The following NRIP2 variants were observed in gnomAD, a reference collection of about 807,000 sequenced individuals.
NRIP2 encodes nuclear receptor interacting protein 2.
NRIP2 carries 27 observed loss-of-function variants against 34.1 expected under a neutral mutation model. That is an observed-to-expected ratio of 0.79 (90% confidence interval 0.58 to 1.09). The LOEUF (loss-of-function observed/expected upper bound fraction) is 1.09. Among genes scored for constraint, NRIP2 ranks in the 50% least tolerant of loss-of-function variants. The pLI is 0.00. For missense variants in NRIP2, 385 were observed against 352.6 expected, an observed-to-expected ratio of 1.09 and a Z score of -0.74; for synonymous variants, 145 against 146.9, an observed-to-expected ratio of 0.99 and a Z score of 0.09.
intron 1 of NRIP2, among the ~76,000 whole-genome samples, chr12:2,834,409 G>A (rs2098018006): frequency 6.6e-6 from 1 of 152,138 alleles, no homozygotes; most frequent in Non-Finnish European, 1.5e-5. Context: ...GGGGCCATTA[G>A]AGGAAAAAGG....
chr12:2,827,618 G>T lies in NRIP2; in HGVS notation c.753+7C>A. On this transcript the variant is annotated splice_region_variant and intron_variant, in intron 5 of 5. Transcript: ENST00000337508. The surrounding 1 kb of genome is among the most constrained non-coding windows in gnomAD (Gnocchi z 4.0). ...GCTTTGGGTCAGGCCCTGAGTGGGT[G>T]CCTTACCTTGAGAGAAAGCAGAGTC... 1 of 1,614,176 alleles carries T rather than the reference G, an allele frequency of 6.2e-7. No homozygotes were observed. Among genetic ancestry groups the T allele is most frequent in the South Asian group, 1.1e-5 (1 of 91,078 alleles).
Position 2,827,590 on chromosome 12 carries a change from A to G in NRIP2, c.753+35T>C, listed in dbSNP as rs766427725. The G allele has an allele frequency of 2.0e-5, 33 of 1,613,710 alleles. No homozygotes were observed. The highest frequency in any genetic ancestry group is 9.9e-5 in the South Asian group (9 of 91,044). On this transcript the variant is annotated intron_variant, in intron 5 of 5. Transcript: ENST00000337508. This position sits in a 1 kb window ranked among gnomAD's most constrained non-coding sequence, Gnocchi z 4.0. ...CCTGTGCCTTCTACTACTTTTTCCC[A>G]GTGCTTTGGGTCAGGCCCTGAGTGG... is the stretch of plus-strand genomic sequence containing the variant.
chr12:2,827,787 C>T lies in NRIP2; in HGVS notation c.701-110G>A, dbSNP rs2097976153. 1.2e-6 allele frequency: 2 copies of T among 1,605,158 alleles called. No homozygotes were observed. The highest frequency in any genetic ancestry group is 1.3e-5 in the African/African-American group (1 of 74,854). ...CCCACCCCATCCCCAGATCCGAGGA[C>T]ACTGGCACAGAGATGGGGGATAGTC... On this transcript the variant is annotated intron_variant, in intron 4 of 5. Transcript: ENST00000337508. The surrounding 1 kb of genome is among the most constrained non-coding windows in gnomAD (Gnocchi z 4.0).
intron 2 of NRIP2, among the ~76,000 whole-genome samples, chr12:2,829,981 G>A (rs954483950): frequency 2.0e-5 from 3 of 151,602 alleles, no homozygotes; most frequent in African/African-American, 4.9e-5. Flanking sequence ...GGAGGCTGAG[G>A]CAGGAGAATC....
intron 1 of NRIP2, among the ~76,000 whole-genome samples, chr12:2,834,091 G>A (rs1051137144): frequency 7.9e-5 from 12 of 152,226 alleles, no homozygotes; most frequent in African/African-American, 2.9e-4. Flanking sequence ...GAGCCTGGAA[G>A]GTCCATTCCA....
Position 2,834,990 on chromosome 12 carries a change from G to A in NRIP2, c.-7C>T. ...GAGGAAAAATAAATAACATGCAGGA[G>A]CAGCCGCGTCAGTCTCCAATTTCCC... On this transcript the variant is annotated 5_prime_UTR_variant, in exon 1 of 6. Coordinates refer to ENST00000337508, the MANE Select transcript of NRIP2 (RefSeq NM_031474.3). 3 of 1,552,836 alleles carry A rather than the reference G, an allele frequency of 1.9e-6. No homozygotes were observed. The highest frequency in any genetic ancestry group is 2.6e-6 in the Non-Finnish European group (3 of 1,151,290).
intron 2 of NRIP2, among the ~76,000 whole-genome samples, chr12:2,828,815 C>G (rs2153925827): frequency 6.6e-6 from 1 of 152,264 alleles, no homozygotes; most frequent in South Asian, 2.1e-4. Flanking sequence ...ACACTCCAGC[C>G]TGGGCAACAA....
In NRIP2 at chr12:2,834,964, A is replaced by G. The variant is rs368019122; in HGVS notation, c.20T>C (p.Leu7Pro). 11 of 1,586,928 alleles carry G rather than the reference A, an allele frequency of 6.9e-6. No homozygotes were observed. The highest frequency in any genetic ancestry group is 1.4e-5 in the African/African-American group (1 of 73,554). ...ACAGGAGGGTCTCCACGGGAGGGAA[A>G]GAGGAAAAATAAATAACATGCAGGA... is the stretch of plus-strand genomic sequence containing the variant. MLFIFPLSLPWRPSCWK... is the reference protein window; with the variant it reads MLFIFPPSLPWRPSCWK... The change falls in exon 1 of 6, where the codon CTT becomes CCT. Residue 7 changes from leucine to proline, a missense_variant. Transcript: ENST00000337508.
Position 2,830,871 on chromosome 12 carries a change from C to T in NRIP2, c.343-11G>A. The T allele has an allele frequency of 6.2e-7, 1 of 1,610,474 alleles. No individual in the cohort carries two copies. The highest frequency in any genetic ancestry group is 8.5e-7 in the Non-Finnish European group (1 of 1,178,422). ...CACACTGCGCGGCTGCTGGCTCCAT[C>T]ACAAAACAATGAAGGTAGGCAGTTC... On this transcript the variant is annotated splice_polypyrimidine_tract_variant and intron_variant, in intron 1 of 5. Coordinates refer to ENST00000337508, the MANE Select transcript of NRIP2 (RefSeq NM_031474.3).
intron 1 of NRIP2, among the ~76,000 whole-genome samples, chr12:2,832,664 G>A (rs935231219): frequency 1.7e-4 from 26 of 150,908 alleles, no homozygotes; most frequent in Non-Finnish European, 1.2e-4. Flanking sequence ...CAAATGTTAT[G>A]TATGGATTTT....
chr12:2,829,832 C>T (rs1179112163), intron 2 of NRIP2, among the ~76,000 whole-genome samples: 1 of 148,246 alleles, frequency 6.7e-6, no homozygotes, highest in Non-Finnish European at 1.5e-5. Context: ...AATCCCAGCA[C>T]TTTGGGAGGC....
chr12:2,828,127 A>T, intron 3 of NRIP2, 80 bp from the exon 4 acceptor site: 3 of 1,392,574 alleles, frequency 2.2e-6, no homozygotes, highest in Non-Finnish European at 3.0e-6. Context: ...GTCCCTCTCT[A>T]CTATGGTTTC....
chr12:2,834,319 A>G (rs1173870804), intron 1 of NRIP2, among the ~76,000 whole-genome samples: 1 of 152,214 alleles, frequency 6.6e-6, no homozygotes, highest in African/African-American at 2.4e-5. Flanking sequence ...TCCTGGTTGT[A>G]AGTGACCACT....
Position 2,827,144 on chromosome 12 carries a change from T to G in NRIP2, c.*63A>C. 6.2e-7 allele frequency: 1 copy of G among 1,609,922 alleles called. No individual in the cohort carries two copies. ...AGCTACCTGGCTTCAAGAGCCCCCG[T>G]TCCCCACACGCCTCTTCTTCTAAGG... On this transcript the variant is annotated 3_prime_UTR_variant, in exon 6 of 6. Transcript: ENST00000337508. The surrounding 1 kb of genome is among the most constrained non-coding windows in gnomAD (Gnocchi z 4.0).
At chr12:2,832,392 T>C (rs769648760) in intron 1 of NRIP2, among the ~76,000 whole-genome samples, 1 of 152,050 alleles carries the variant, frequency 6.6e-6, no homozygotes, top group Non-Finnish European at 1.5e-5. Flanking sequence ...GGCCGCTTTT[T>C]GCCTCCATGT....
rs770766297 is a variant in NRIP2, at chr12:2,828,408, C to G, written c.502G>C (p.Asp168His). 1.2e-6 allele frequency: 2 copies of G among 1,613,888 alleles called. No homozygotes were observed. The highest frequency in any genetic ancestry group is 3.3e-5 in the Admixed American group (2 of 59,954). The change falls in exon 3 of 6, where the codon GAC becomes CAC. Residue 168 changes from aspartate to histidine, a missense_variant. Coordinates refer to ENST00000337508, the MANE Select transcript of NRIP2 (RefSeq NM_031474.3). The part of the protein sequence containing the change: ...PALLVNCKCQ[D>H]QLLRVAVDTG... Reference sequence around the variant, plus strand: ...TCAACGGCCACTCTAAGCAGCTGGTCCTGGCACTAAGAAAGAAGAATCGTG... The same window carrying G: ...TCAACGGCCACTCTAAGCAGCTGGTGCTGGCACTAAGAAAGAAGAATCGTG...
chr12:2,828,634 G>A (rs1056293316), intron 2 of NRIP2, among the ~76,000 whole-genome samples: 9 of 152,196 alleles, frequency 5.9e-5, no homozygotes, highest in Non-Finnish European at 1.0e-4. Flanking sequence ...GAGGTCGGGA[G>A]TTCAAGACCA....
In NRIP2 at chr12:2,827,978, C is replaced by G. The variant is rs759506503; in HGVS notation, c.648G>C (p.Gln216His). 5.6e-6 allele frequency: 9 copies of G among 1,614,248 alleles called. No homozygotes were observed. The highest frequency in any genetic ancestry group is 7.6e-6 in the Non-Finnish European group (9 of 1,180,050). ...TCTCCTGCCCCAGCTGTAGCTCCAA[C>G]TGCTCCACCTGGGTTGGGGGCCCAG... ...LAPGPPTQVE[Q>H]LELQLGQETV... is the part of the protein sequence containing the mutation. The change falls in exon 4 of 6, where the codon CAG (glutamine) becomes CAC (histidine). Residue 216 changes from glutamine (Q) to histidine (H), a missense_variant. Coordinates refer to ENST00000337508, the MANE Select transcript of NRIP2 (RefSeq NM_031474.3). The surrounding 1 kb of genome is among the most constrained non-coding windows in gnomAD (Gnocchi z 4.0).
intron 1 of NRIP2, among the ~76,000 whole-genome samples, chr12:2,831,766 TTTTTC>T (rs2098004467): frequency 7.9e-5 from 12 of 152,154 alleles, no homozygotes; most frequent in Admixed American, 7.9e-4. Context: ...CTTTTCTTTC[TTTTTC>T]TTTTCTTTCA....
Sources: gnomAD v4.1 joint callset for allele counts (sites outside exome capture counted in the v4.1 genomes callset) on GRCh38, gnomAD v4.1.1 for gene constraint, Gnocchi (gnomAD v3.1) non-coding constraint, MANE v1.5 for transcripts, NCBI Gene and HGNC (gene_info 2026-07-23, HGNC 2026-07-21) for gene names.